The following BRF1 variants were observed in gnomAD, a reference collection of about 807,000 sequenced individuals.
The protein encoded by BRF1 is BRF1 general transcription factor IIIB subunit, also known as transcription factor IIIB 90 kDa subunit.
BRF1 carries 59 observed loss-of-function variants against 81.7 expected under a neutral mutation model. That is an observed-to-expected ratio of 0.72 (90% CI 0.59 to 0.90). The LOEUF (loss-of-function observed/expected upper bound fraction) is 0.90. Ranked by LOEUF, BRF1 falls within the 40% of genes least tolerant of loss-of-function variation. The probability of loss-of-function intolerance (pLI) is 0.00; values close to 1 mark genes in which losing one functional copy is unlikely to be tolerated. For synonymous variants in BRF1, 491 were observed against 395.6 expected (o/e 1.24, Z -2.86); for missense variants, 1,050 against 936.3 (o/e 1.12, Z -1.58).
intron 15 of BRF1, among the ~76,000 whole-genome samples, chr14:105,215,671 GCA>G (rs201556928): frequency 0.013 from 1,493 of 115,520 alleles, 34 homozygotes; most frequent in African/African-American, 0.04. Flanking sequence ...GCATACACAG[GCA>G]CACACACACA....
chr14:105,218,924 A>G (rs1463424957), intron 14 of BRF1, 74 bp downstream of exon 14: 1 of 1,596,238 alleles, frequency 6.3e-7, no homozygotes, highest in Non-Finnish European at 8.6e-7. Flanking sequence ...TGGGGAAGGG[A>G]CATTCCAGAG....
intron 1 of BRF1, chr14:105,314,458 G>GGGGGCGGGGC (rs1307522038): frequency 3.3e-5 from 5 of 149,328 alleles, no homozygotes; most frequent in East Asian, 2.0e-4. Context: ...GCGGCTCCCG[G>GGGGGCGGGGC]GGGGCGGGGC....
chr14:105,228,813 C>T lies in BRF1; in HGVS notation c.788+7G>A. ...TGGTCCCCATGCCATGAATGAGAGC[C>T]CCTCACCTCTTCCGCAGCGTGGACT... On this transcript the variant is annotated splice_region_variant and intron_variant, in intron 7 of 17. Coordinates refer to ENST00000547530, the MANE Select transcript of BRF1 (RefSeq NM_001519.4). 9.3e-6 allele frequency: 15 copies of T among 1,613,742 alleles called. No homozygotes were observed. The highest frequency in any genetic ancestry group is 1.3e-5 in the African/African-American group (1 of 75,050).
intron 15 of BRF1, among the ~76,000 whole-genome samples, chr14:105,215,027 G>A (rs1890859626): frequency 6.6e-6 from 1 of 152,162 alleles, no homozygotes; most frequent in South Asian, 2.1e-4. Flanking sequence ...GAGTGTGGGG[G>A]GTCCCCAGCC....
intron 17 of BRF1, 117 bp downstream of exon 17, chr14:105,211,005 C>T: frequency 1.3e-6 from 2 of 1,487,592 alleles, no homozygotes; most frequent in South Asian, 1.3e-5. Flanking sequence ...AATTTCTTTC[C>T]AGGGAGAAAC....
At chr14:105,258,252 G>C (rs2055976430) in intron 3 of BRF1, among the ~76,000 whole-genome samples, 1 of 152,224 alleles carries the variant, frequency 6.6e-6, no homozygotes, top group African/African-American at 2.4e-5. Flanking sequence ...ACTTCGGGAG[G>C]CCGAGGTGGG....
intron 1 of BRF1, among the ~76,000 whole-genome samples, chr14:105,314,103 T>A (rs1397688717): frequency 6.6e-6 from 1 of 152,058 alleles, no homozygotes; most frequent in Non-Finnish European, 1.5e-5. Flanking sequence ...GCGCCCCGAG[T>A]GGCTTCGAGT....
At chr14:105,299,230 C>T (rs1431459917) in intron 1 of BRF1, among the ~76,000 whole-genome samples, 4 of 152,022 alleles carry the variant, frequency 2.6e-5, no homozygotes, top group Non-Finnish European at 5.9e-5. Flanking sequence ...CTTGTAACTA[C>T]AATCCACAAA....
At chr14:105,249,832 C>T in intron 5 of BRF1, 1 of 1,613,488 alleles carries the variant, frequency 6.2e-7, no homozygotes, top group Non-Finnish European at 8.5e-7. Context: ...TGACGCAGCG[C>T]TGCTGGGAGG....
intron 2 of BRF1, among the ~76,000 whole-genome samples, chr14:105,283,402 C>T (rs2057191307): frequency 6.6e-6 from 1 of 152,106 alleles, no homozygotes; most frequent in African/African-American, 2.4e-5. Flanking sequence ...AACCCAGGTA[C>T]AAAGATCAGC....
At chr14:105,311,126 G>T (rs753573310) in intron 1 of BRF1, among the ~76,000 whole-genome samples, 3 of 152,062 alleles carry the variant, frequency 2.0e-5, no homozygotes, top group Non-Finnish European at 2.9e-5. Flanking sequence ...CTAATTTTTT[G>T]TATTTTTAGT....
In BRF1 at chr14:105,315,191, CG is replaced by C; in HGVS notation, c.-162+130del. 4 of 291,358 alleles carry C rather than the reference CG, an allele frequency of 1.4e-5. No individual in the cohort carries two copies. Among genetic ancestry groups the C allele is most frequent in the Non-Finnish European group, 1.6e-5 (3 of 189,390 alleles). The allele number at this position is 291,358 out of a possible 1,614,324, so 18.0% of individuals were successfully genotyped here. A position where few individuals can be genotyped will look rare whatever the true frequency, so the allele number is the denominator to read the frequency against. The stretch of plus-strand genomic sequence containing the variant: ...CCGCCGGTTCGACGCGTGCAGCCGC[CG>C]CCCCCCCGCAGCTCCGGCAAGCGCG... On this transcript the variant is annotated intron_variant, in intron 1 of 17. Transcript: ENST00000327359. This position sits in a 1 kb window ranked among gnomAD's most constrained non-coding sequence, Gnocchi z 4.4.
chr14:105,227,261 A>C (rs1289829894), intron 7 of BRF1: 1 of 155,872 alleles, frequency 6.4e-6, no homozygotes, highest in Non-Finnish European at 1.4e-5. Flanking sequence ...TCTATTAAAA[A>C]TAACAAAAAT....
intron 4 of BRF1, among the ~76,000 whole-genome samples, chr14:105,253,401 GGGGCC>G (rs1286109417): frequency 7.2e-5 from 11 of 152,288 alleles, no homozygotes; most frequent in South Asian, 4.1e-4. Flanking sequence ...GCTTGCCCCT[GGGGCC>G]CCCGGGCCTC....
intron 7 of BRF1, chr14:105,227,808 G>C (rs1026585843): frequency 1.3e-5 from 2 of 152,212 alleles, no homozygotes; most frequent in African/African-American, 4.8e-5. Flanking sequence ...CAGAATCAAT[G>C]GTCAGATGTT....
chr14:105,299,442 G>A (rs1255180039), intron 1 of BRF1, among the ~76,000 whole-genome samples: 2 of 152,000 alleles, frequency 1.3e-5, no homozygotes, highest in Non-Finnish European at 2.9e-5. Context: ...CAGCATGGTG[G>A]CATGCACCTG....
At chr14:105,288,701 T>C (rs2057407864) in intron 1 of BRF1, among the ~76,000 whole-genome samples, 1 of 147,660 alleles carries the variant, frequency 6.8e-6, no homozygotes, top group South Asian at 2.3e-4. Context: ...TGGCGTGATC[T>C]TGGCTCACTG....
intron 3 of BRF1, among the ~76,000 whole-genome samples, chr14:105,262,134 C>T (rs1324639064): frequency 1.3e-5 from 2 of 152,230 alleles, no homozygotes; most frequent in Non-Finnish European, 2.9e-5. Flanking sequence ...GACTGGGCAT[C>T]CTCAGGCCCC....
chr14:105,286,170 G>C (rs1316933098), intron 2 of BRF1, 126 bp downstream of exon 2: 1 of 1,083,658 alleles, frequency 9.2e-7, no homozygotes, highest in African/African-American at 1.6e-5. Flanking sequence ...TGGGCTGGGC[G>C]TGCAGGGTGA....
Sources: gnomAD v4.1 joint callset for allele counts (sites outside exome capture counted in the v4.1 genomes callset) on GRCh38, gnomAD v4.1.1 for gene constraint, Gnocchi (gnomAD v3.1) non-coding constraint, MANE v1.5 for transcripts, NCBI Gene and HGNC (gene_info 2026-07-23, HGNC 2026-07-21) for gene names.